The following KLHL2 variants were observed in gnomAD, a reference collection of about 807,000 sequenced individuals.
KLHL2 encodes kelch like family member 2.
Under a neutral mutation model 75.8 loss-of-function variants are expected in KLHL2, and 15 were observed. That is an observed-to-expected ratio of 0.20 (90% CI 0.13 to 0.30). The LOEUF (loss-of-function observed/expected upper bound fraction) is 0.30, where lower values mean the gene tolerates loss of function less well. KLHL2 is among the 10% of genes least tolerant of loss of function. The probability of loss-of-function intolerance (pLI) is 1.00; values close to 1 mark genes in which losing one functional copy is unlikely to be tolerated. For synonymous variants in KLHL2, 214 were observed against 251.9 expected, an observed-to-expected ratio of 0.85 and a Z score of 1.42; for missense variants, 381 against 741.0, an observed-to-expected ratio of 0.51 and a Z score of 5.64.
At chr4:165,284,729 A>G (rs1288652694) in intron 5 of KLHL2, among the ~76,000 whole-genome samples, 1 of 152,036 alleles carries the variant, frequency 6.6e-6, no homozygotes, top group African/African-American at 2.4e-5. Flanking sequence ...ACTGGTACCA[A>G]TTTACTGTAC....
chr4:165,256,895 G>A, intron 4 of KLHL2, among the ~76,000 whole-genome samples: 1 of 152,092 alleles, frequency 6.6e-6, no homozygotes, highest in Non-Finnish European at 1.5e-5. Flanking sequence ...GATTCTTTTA[G>A]AAACTAGCTT....
chr4:165,298,686 T>TAATC (rs1257741921), intron 7 of KLHL2, among the ~76,000 whole-genome samples: 2 of 152,262 alleles, frequency 1.3e-5, no homozygotes, highest in East Asian at 3.9e-4. Flanking sequence ...CTCACGTCTA[T>TAATC]AATCCCAGCA....
chr4:165,275,862 T>C (rs1056157635), intron 5 of KLHL2, among the ~76,000 whole-genome samples: 2 of 152,052 alleles, frequency 1.3e-5, no homozygotes, highest in African/African-American at 2.4e-5. Context: ...GGCCCACACC[T>C]GCAATCCCAG....
chr4:165,252,109 T>G (rs1202807078), intron 4 of KLHL2, among the ~76,000 whole-genome samples: 8 of 152,190 alleles, frequency 5.3e-5, no homozygotes, highest in Non-Finnish European at 1.0e-4. Context: ...AACAAAAAAA[T>G]GACTCCATCC....
Position 165,297,558 on chromosome 4 carries a change from C to G in KLHL2, c.655-51C>G. On this transcript the variant is annotated intron_variant, in intron 6 of 14. Coordinates refer to ENST00000226725, the MANE Select transcript of KLHL2 (RefSeq NM_007246.4). Reference sequence around the variant, plus strand: ...GTAGTCTCATATTTTATCCAGATGCCTTGATACACAACTCATTTCTTATTT... The same window carrying G: ...GTAGTCTCATATTTTATCCAGATGCGTTGATACACAACTCATTTCTTATTT... The G allele has an allele frequency of 2.8e-6, 3 of 1,074,422 alleles. No homozygotes were observed. In the South Asian group the frequency reaches 3.7e-5, roughly 13 times the overall value. The allele number at this position is 1,074,422 out of a possible 1,614,324, so 66.6% of individuals were successfully genotyped here.
intron 14 of KLHL2, 29 bp downstream of exon 14, chr4:165,317,998 G>T: frequency 1.2e-6 from 2 of 1,601,924 alleles, no homozygotes; most frequent in South Asian, 1.1e-5. Context: ...GTCAATTTCC[G>T]TACAAAAAGA....
intron 8 of KLHL2, among the ~76,000 whole-genome samples, chr4:165,301,060 T>C (rs551204926): frequency 1.3e-5 from 2 of 152,204 alleles, no homozygotes; most frequent in Admixed American, 1.3e-4. Context: ...ATATTTTAAT[T>C]TAGAATTGAT....
At chr4:165,317,739 C>G (rs1746689486) in intron 13 of KLHL2, 87 bp from the exon 14 acceptor site, 1 of 984,370 alleles carries the variant, frequency 1.0e-6, no homozygotes, top group African/African-American at 1.7e-5. Context: ...ATTAGTGTCT[C>G]TGGATTACCT....
chr4:165,239,610 G>A (rs1739645360), intron 4 of KLHL2, among the ~76,000 whole-genome samples: 1 of 152,118 alleles, frequency 6.6e-6, no homozygotes, highest in African/African-American at 2.4e-5. Flanking sequence ...AAGTGATTCT[G>A]GAGTTTAGGT....
At chr4:165,263,170 C>G in intron 4 of KLHL2, 27 bp from the exon 5 acceptor site, 3 of 1,610,078 alleles carry the variant, frequency 1.9e-6, no homozygotes, top group Admixed American at 1.7e-5. Flanking sequence ...ACCCAAGTGC[C>G]TAAGAATATT....
chr4:165,310,500 T>G, intron 9 of KLHL2, 53 bp from the exon 10 acceptor site: 1 of 1,407,172 alleles, frequency 7.1e-7, no homozygotes, highest in Non-Finnish European at 1.0e-6. Flanking sequence ...TCTTTGGATA[T>G]TGGTGGTAGT....
intron 3 of KLHL2, among the ~76,000 whole-genome samples, chr4:165,233,132 T>C (rs551019295): frequency 6.6e-6 from 1 of 152,294 alleles, no homozygotes; most frequent in South Asian, 2.1e-4. Context: ...TTATGTCACC[T>C]AAGAAATAAT....
chr4:165,286,010 T>A (rs1744065319), intron 5 of KLHL2, among the ~76,000 whole-genome samples: 1 of 152,264 alleles, frequency 6.6e-6, no homozygotes, highest in African/African-American at 2.4e-5. Flanking sequence ...GGGCAAGATG[T>A]TTAACAGTAG....
intron 4 of KLHL2, among the ~76,000 whole-genome samples, chr4:165,250,353 T>G (rs1740605396): frequency 6.6e-6 from 1 of 152,206 alleles, no homozygotes; most frequent in Non-Finnish European, 1.5e-5. Context: ...ACTGAGCAGT[T>G]TTTTAAAATG....
At chr4:165,300,299 GA>G (rs557406496) in intron 8 of KLHL2, among the ~76,000 whole-genome samples, 1,385 of 86,712 alleles carry the variant, frequency 0.016, 9 homozygotes, top group Middle Eastern at 0.041. Context: ...CTCAAAAAAA[GA>G]AAAAAAAAAA....
chr4:165,248,581 G>A (rs1276877431), intron 4 of KLHL2, among the ~76,000 whole-genome samples: 1 of 152,182 alleles, frequency 6.6e-6, no homozygotes, highest in Non-Finnish European at 1.5e-5. Flanking sequence ...CCTTAAAGCA[G>A]CATTTTTGTT....
intron 2 of KLHL2, among the ~76,000 whole-genome samples, chr4:165,223,725 C>T (rs1275055820): frequency 6.6e-6 from 1 of 152,080 alleles, no homozygotes; most frequent in Non-Finnish European, 1.5e-5. Context: ...GCTTTTAGGT[C>T]AGCAGTGCAT....
rs893473981 is a variant in KLHL2, at chr4:165,322,232, A to C, written c.*172A>C. ...AGATACTGAAGATTATTTTTGGTAG[A>C]AGCACCGTGTAGGCTTTTTCTGCAA... On this transcript the variant is annotated 3_prime_UTR_variant, in exon 15 of 15. Coordinates refer to ENST00000226725, the MANE Select transcript of KLHL2 (RefSeq NM_007246.4). The C allele has an allele frequency of 2.9e-5, 18 of 631,104 alleles. No individual in the cohort carries two copies. The Middle Eastern group carries it at 1.0e-3, about 36-fold the overall frequency. 39.1% of individuals were successfully genotyped at this position (631,104 alleles called of 1,614,324 possible). A position where few individuals can be genotyped will look rare whatever the true frequency, so the allele number is the denominator to read the frequency against.
intron 5 of KLHL2, among the ~76,000 whole-genome samples, chr4:165,285,566 C>T (rs1407542862): frequency 2.0e-5 from 3 of 152,084 alleles, no homozygotes; most frequent in African/African-American, 7.2e-5. Flanking sequence ...GCCACCATTC[C>T]TGGCTAATTT....
Sources: gnomAD v4.1 joint callset for allele counts (sites outside exome capture counted in the v4.1 genomes callset) on GRCh38, gnomAD v4.1.1 for gene constraint, MANE v1.5 for transcripts, NCBI Gene and HGNC (gene_info 2026-07-23, HGNC 2026-07-21) for gene names.